Variants in ANKRD28 observed in about 807,000 individuals in gnomAD.
ANKRD28 encodes serine/threonine-protein phosphatase 6 regulatory ankyrin repeat subunit A.
ANKRD28 carries 44 observed loss-of-function variants against 126.5 expected under a neutral mutation model. The ratio of observed to expected loss-of-function variants is 0.35; its 90% CI spans 0.27 to 0.45. The LOEUF is 0.45. Among genes scored for constraint, ANKRD28 ranks in the 20% least tolerant of loss-of-function variants. ANKRD28 has a pLI of 1.00. For synonymous variants in ANKRD28, 442 were observed against 468.5 expected, an observed-to-expected ratio of 0.94 and a Z score of 0.73; for missense variants, 1,110 against 1,316.6, an observed-to-expected ratio of 0.84 and a Z score of 2.43.
intron 6 of ANKRD28, among the ~76,000 whole-genome samples, chr3:15,729,156 G>A (rs1422441727): frequency 6.6e-6 from 1 of 152,168 alleles, no homozygotes; most frequent in Admixed American, 6.5e-5. Flanking sequence ...TACATAGAAA[G>A]GCCAGGAAGG....
At chr3:15,765,220 G>A (rs1012919027) in intron 3 of ANKRD28, among the ~76,000 whole-genome samples, 1 of 152,062 alleles carries the variant, frequency 6.6e-6, no homozygotes, top group Non-Finnish European at 1.5e-5. Flanking sequence ...TTTTGGGACT[G>A]CACGTAGTCT....
At chr3:15,779,273 T>C (rs1292152616) in intron 2 of ANKRD28, among the ~76,000 whole-genome samples, 2 of 152,028 alleles carry the variant, frequency 1.3e-5, no homozygotes, top group African/African-American at 2.4e-5. Context: ...GGAAATAACA[T>C]TAAAAAGCAG....
At chr3:15,767,971 G>A (rs535808329) in intron 2 of ANKRD28, among the ~76,000 whole-genome samples, 1 of 152,172 alleles carries the variant, frequency 6.6e-6, no homozygotes, top group South Asian at 2.1e-4. Flanking sequence ...CCCACAGGCT[G>A]GAAGGCACAT....
chr3:15,730,274 T>A (rs1399870030), intron 6 of ANKRD28, among the ~76,000 whole-genome samples: 1 of 152,190 alleles, frequency 6.6e-6, no homozygotes, highest in Non-Finnish European at 1.5e-5. Flanking sequence ...AAGATGAATG[T>A]GTAAAGGGAC....
chr3:15,672,503 C>T (rs546960623), intron 27 of ANKRD28, among the ~76,000 whole-genome samples: 1 of 152,278 alleles, frequency 6.6e-6, no homozygotes, highest in Non-Finnish European at 1.5e-5. Flanking sequence ...AAGAGAACAA[C>T]TGATGTCCTT....
rs2060859098 is a variant in ANKRD28 at position 15,817,613 on chromosome 3, A to ATTT, written c.28-22308_28-22307insAAA. Among the ~76,000 whole-genome samples, 3 of 152,170 alleles carry ATTT rather than the reference A, an allele frequency of 2.0e-5. No individual in the cohort carries two copies. Among genetic ancestry groups the ATTT allele is most frequent in the African/African-American group, 7.2e-5 (3 of 41,430 alleles). On this transcript the variant is annotated intron_variant, in intron 1 of 27. Coordinates refer to the ANKRD28 transcript ENST00000399451. This position sits in a 1 kb window ranked among gnomAD's most constrained non-coding sequence, Gnocchi z 4.5. ...GGAAAACTGGAGGGCAACCTAGTAA[A>ATTT]TAAAATTAACTAAGATTCCTTTGCT...
intron 21 of ANKRD28, among the ~76,000 whole-genome samples, chr3:15,681,367 C>T (rs7637340): frequency 6.6e-6 from 1 of 152,104 alleles, no homozygotes; most frequent in Non-Finnish European, 1.5e-5. Flanking sequence ...ATTGACTGTT[C>T]ATCAATATCT....
At chr3:15,720,668 G>A (rs951053301) in intron 8 of ANKRD28, among the ~76,000 whole-genome samples, 1 of 151,950 alleles carries the variant, frequency 6.6e-6, no homozygotes, top group African/African-American at 2.4e-5. Flanking sequence ...AATAATTGTT[G>A]TGATTTTTTT....
intron 14 of ANKRD28, chr3:15,697,368 T>C (rs1455212290): frequency 1.3e-5 from 2 of 152,148 alleles, no homozygotes; most frequent in Non-Finnish European, 2.9e-5. Flanking sequence ...ACACATTGGA[T>C]ACAGTGTACA....
intron 1 of ANKRD28, 83 bp downstream of exon 1, chr3:15,796,322 A>G: frequency 1.2e-6 from 1 of 842,806 alleles, no homozygotes; most frequent in Non-Finnish European, 1.5e-6. Flanking sequence ...AAACTATTGG[A>G]AATTTACATC....
At chr3:15,855,514 A>G (rs894891725) in intron 1 of ANKRD28, among the ~76,000 whole-genome samples, 5 of 152,228 alleles carry the variant, frequency 3.3e-5, no homozygotes, top group African/African-American at 9.6e-5. Context: ...ACAGAAATAA[A>G]TACTATCCCA....
chr3:15,752,107 G>A (rs2057895473), intron 3 of ANKRD28, among the ~76,000 whole-genome samples: 1 of 151,760 alleles, frequency 6.6e-6, no homozygotes, highest in African/African-American at 2.4e-5. Flanking sequence ...CATATCCAAG[G>A]TAGAAATCAG....
intron 27 of ANKRD28, among the ~76,000 whole-genome samples, chr3:15,675,322 A>G (rs1234603744): frequency 6.6e-6 from 1 of 152,194 alleles, no homozygotes; most frequent in East Asian, 1.9e-4. Context: ...GAGAGGAATA[A>G]CTGCGGACAG....
chr3:15,670,314 T>C lies in ANKRD28; in HGVS notation c.3208A>G (p.Thr1070Ala), dbSNP rs375106166. ...GAGTCGTTGAGCTCATCCACGTCAG[T>C]GTATAAGTACTCCTGTTCCCCTCCA... ...NIGGEQEYLY[T>A]DVDELNDSDS... The change falls in exon 28 of 28, where the codon ACT (threonine) becomes GCT (alanine). Residue 1070 changes from threonine to alanine, a missense_variant. Transcript: ENST00000683139. 11 of 1,613,746 alleles carry C rather than the reference T, an allele frequency of 6.8e-6. No individual in the cohort carries two copies. The highest frequency in any genetic ancestry group is 9.3e-6 in the Non-Finnish European group (11 of 1,179,790).
intron 1 of ANKRD28, among the ~76,000 whole-genome samples, chr3:15,828,771 T>C (rs1267592949): frequency 2.0e-5 from 3 of 152,186 alleles, no homozygotes; most frequent in African/African-American, 7.2e-5. Flanking sequence ...TTCACTGACT[T>C]CACAGATATT....
In ANKRD28 at chr3:15,815,391, G is replaced by A. The variant is rs994012602; in HGVS notation, c.28-20085C>T. Among the ~76,000 whole-genome samples, 4 of 152,102 alleles carry A rather than the reference G, an allele frequency of 2.6e-5. No homozygotes were observed. Among genetic ancestry groups the A allele is most frequent in the Non-Finnish European group, 5.9e-5 (4 of 68,016 alleles). On this transcript the variant is annotated intron_variant, in intron 1 of 27. Coordinates refer to the ANKRD28 transcript ENST00000399451. The surrounding 1 kb of genome is among the most constrained non-coding windows in gnomAD (Gnocchi z 4.1). ...GCCCAAATGTAGTTTCAACCTCCTG[G>A]GTTCAAATGATCCTCCCACCTCAGC...
chr3:15,675,409 AT>A (rs1190224927), intron 27 of ANKRD28, among the ~76,000 whole-genome samples: 1 of 152,196 alleles, frequency 6.6e-6, no homozygotes, highest in Non-Finnish European at 1.5e-5. Flanking sequence ...TTTATAAATT[AT>A]TTTTTAAGGA....
upstream of ANKRD28, among the ~76,000 whole-genome samples, chr3:15,800,848 G>A (rs2060448503): frequency 6.6e-6 from 1 of 152,016 alleles, no homozygotes; most frequent in African/African-American, 2.4e-5. Context: ...AATACTAAGA[G>A]AAATATGTCA....
At position 15,749,358 on chromosome 3, in the gene ANKRD28, C is replaced by T. The variant is rs193052989; in HGVS notation, c.351+2392G>A. Among the ~76,000 whole-genome samples, 644 of 151,484 alleles carry T rather than the reference C, an allele frequency of 4.3e-3. 4 individuals are homozygous for T. The highest frequency in any genetic ancestry group is 0.019 in the East Asian group (99 of 5,128). On this transcript the variant is annotated intron_variant, in intron 4 of 27. Coordinates refer to ENST00000683139, the MANE Select transcript of ANKRD28 (RefSeq NM_001349278.2). ...CGATCTCCTGACCTCATGATCCACC[C>T]GCCTCGGCCTCCCAAAGTGCTGGGA...
Sources: allele counts gnomAD v4.1 joint callset (sites outside exome capture counted in the v4.1 genomes callset), GRCh38; gene constraint gnomAD v4.1.1; non-coding constraint Gnocchi (gnomAD v3.1); transcripts MANE v1.5; gene names NCBI Gene and HGNC (gene_info 2026-07-23, HGNC 2026-07-21).